The following RANBP2 variants were observed in gnomAD, a reference collection of about 807,000 sequenced individuals.
RANBP2 encodes RAN binding protein 2, also known as E3 SUMO-protein ligase RanBP2.
Under a neutral mutation model 303.6 loss-of-function variants are expected in RANBP2, and 57 were observed. The ratio of observed to expected loss-of-function variants is 0.19; its 90% CI spans 0.15 to 0.23. RANBP2 has a LOEUF of 0.23. RANBP2 is among the 10% of genes least tolerant of loss of function. The probability of loss-of-function intolerance (pLI) is 1.00; values close to 1 mark genes in which losing one functional copy is unlikely to be tolerated. For missense variants in RANBP2, 3,138 were observed against 3,780.8 expected (o/e 0.83, Z 4.46); for synonymous variants, 1,167 against 1,301.5 (o/e 0.90, Z 2.23).
the RANBP2 span, among the ~76,000 whole-genome samples, chr2:109,664,846 C>A: frequency 6.6e-6 from 1 of 151,688 alleles, no homozygotes; most frequent in Non-Finnish European, 1.5e-5. Flanking sequence ...AGGAGAACTG[C>A]TTGAACCTGG....
the RANBP2 span, among the ~76,000 whole-genome samples, chr2:109,226,357 A>G: frequency 3.3e-5 from 5 of 152,210 alleles, no homozygotes; most frequent in African/African-American, 4.8e-5. Flanking sequence ...ACATTGACTC[A>G]GGAAGGTCAG....
the RANBP2 span, chr2:109,398,648 C>A: frequency 4.4e-6 from 7 of 1,603,320 alleles, no homozygotes; most frequent in Non-Finnish European, 6.0e-6. Flanking sequence ...GCCGCTGCAT[C>A]CAGCTGCAAT....
At chr2:109,444,189 G>A in the RANBP2 span, among the ~76,000 whole-genome samples, 18 of 152,282 alleles carry the variant, frequency 1.2e-4, no homozygotes, top group African/African-American at 2.9e-4. Context: ...ATATTATAAC[G>A]CATTTTGAGC....
Position 108,723,302 on chromosome 2 carries a change from C to T in RANBP2, c.72+3624C>T, listed in dbSNP as rs2378182. ...TCTTTTCTTTTTTTTTTTTTTGAGA[C>T]GGAGACTCGCTCTATCGTCCAGGCT... On this transcript the variant is annotated intron_variant, in intron 1 of 28. Transcript: ENST00000283195. Among the ~76,000 whole-genome samples the T allele has an allele frequency of 4.8e-3, 701 of 145,750 alleles. 7 individuals carry two copies. The highest frequency in any genetic ancestry group is 5.2e-3 in the Non-Finnish European group (348 of 67,046).
chr2:109,455,118 A>G, the RANBP2 span, among the ~76,000 whole-genome samples: 1 of 152,164 alleles, frequency 6.6e-6, no homozygotes, highest in Non-Finnish European at 1.5e-5. Context: ...TGGCATGGGA[A>G]TGCTGGCCTC....
At chr2:109,477,077 A>C in the RANBP2 span, among the ~76,000 whole-genome samples, 2 of 152,110 alleles carry the variant, frequency 1.3e-5, no homozygotes, top group Non-Finnish European at 2.9e-5. Context: ...CTGGGAATGC[A>C]CCCCAGTAGG....
At chr2:109,397,351 A>G in the RANBP2 span, among the ~76,000 whole-genome samples, 1 of 151,998 alleles carries the variant, frequency 6.6e-6, no homozygotes, top group Non-Finnish European at 1.5e-5. Context: ...ACAGGCATTT[A>G]CCCAGCCTGA....
At chr2:109,702,371 A>G in the RANBP2 span, among the ~76,000 whole-genome samples, 1 of 152,228 alleles carries the variant, frequency 6.6e-6, no homozygotes, top group Admixed American at 6.5e-5. Flanking sequence ...TGCTTGTGTC[A>G]GGTTGGGATC....
At position 108,754,370 on chromosome 2, in the gene RANBP2, G is replaced by A. The variant is rs575751589; in HGVS notation, c.2202+399G>A. Among the ~76,000 whole-genome samples the A allele has an allele frequency of 1.6e-4, 24 of 151,474 alleles. No homozygotes were observed. In the South Asian group the frequency reaches 4.6e-3, roughly 29 times the overall value. ...CTCATCCTCATCAGCCATTGTGAAC[G>A]CCCTTGTTTTCTTGCTGTCAGCTGT... On this transcript the variant is annotated intron_variant, in intron 15 of 28. Transcript: ENST00000283195.
At chr2:109,405,249 G>A in the RANBP2 span, among the ~76,000 whole-genome samples, 8 of 152,050 alleles carry the variant, frequency 5.3e-5, no homozygotes, top group Non-Finnish European at 1.0e-4. Context: ...CCCTCTTTCC[G>A]CAAACCTGCT....
chr2:109,499,265 G>T, the RANBP2 span, among the ~76,000 whole-genome samples: 1 of 152,164 alleles, frequency 6.6e-6, no homozygotes, highest in African/African-American at 2.4e-5. Flanking sequence ...GTCCAGTGCT[G>T]GTTATTGAGT....
the RANBP2 span, among the ~76,000 whole-genome samples, chr2:109,599,344 G>C: frequency 6.6e-6 from 1 of 151,120 alleles, no homozygotes; most frequent in African/African-American, 2.4e-5. Flanking sequence ...TGTAATCCCA[G>C]TTACTTGGGA....
chr2:108,876,046 CTAAG>C, the RANBP2 span: 5 of 1,326,260 alleles, frequency 3.8e-6, no homozygotes, highest in African/African-American at 2.9e-5. Context: ...GATAAACTCT[CTAAG>C]TATGTGTAAT....
At chr2:109,295,431 G>A in the RANBP2 span, among the ~76,000 whole-genome samples, 29 of 152,364 alleles carry the variant, frequency 1.9e-4, no homozygotes, top group African/African-American at 5.8e-4. Flanking sequence ...AACTCAGGGC[G>A]GGAGCCGAGG....
chr2:109,410,105 C>T, the RANBP2 span, among the ~76,000 whole-genome samples: 229 of 152,312 alleles, frequency 1.5e-3, no homozygotes, highest in African/African-American at 4.8e-3. Context: ...GCTTAGGGGC[C>T]CCATTAAAAT....
At chr2:108,898,943 G>C in the RANBP2 span, among the ~76,000 whole-genome samples, 1 of 152,150 alleles carries the variant, frequency 6.6e-6, no homozygotes, top group Non-Finnish European at 1.5e-5. Flanking sequence ...TATAACAGAA[G>C]AGCTAACATT....
At chr2:109,020,880 A>C in the RANBP2 span, among the ~76,000 whole-genome samples, 1 of 152,290 alleles carries the variant, frequency 6.6e-6, no homozygotes, top group South Asian at 2.1e-4. Context: ...GGGGGGCACA[A>C]ATTTCTGGTG....
At chr2:109,266,000 CAT>C in the RANBP2 span, among the ~76,000 whole-genome samples, 1 of 151,990 alleles carries the variant, frequency 6.6e-6, no homozygotes, top group South Asian at 2.1e-4. Context: ...GCATGTGTGT[CAT>C]GTGCATGTGT....
Position 108,782,622 on chromosome 2 carries a change from T to G in RANBP2, c.9129T>G (p.Asn3043Lys). The change falls in exon 28 of 29, where the codon AAT (asparagine) becomes AAG (lysine). Residue 3043 changes from asparagine (N) to lysine (K), a missense_variant. Around this residue, in one of 20 missense-constraint regions of RANBP2, gnomAD observed 204 missense variants for 228.4 expected, o/e 0.89. Coordinates refer to ENST00000283195, the MANE Select transcript of RANBP2 (RefSeq NM_006267.5). ...AAACATTTGAAGAATGTCAGCAGAA[T>G]TTAATGAAACTCCAGAAAGGACATG... ...FKKTFEECQQNLMKLQKGHVS... is the reference protein window; with the variant it reads ...FKKTFEECQQKLMKLQKGHVS... 6.2e-7 allele frequency: 1 copy of G among 1,614,220 alleles called. No individual in the cohort carries two copies. Among genetic ancestry groups the G allele is most frequent in the Non-Finnish European group, 8.5e-7 (1 of 1,180,042 alleles).
Sources: allele counts gnomAD v4.1 joint callset (sites outside exome capture counted in the v4.1 genomes callset), GRCh38; gene constraint gnomAD v4.1.1; regional missense constraint gnomAD v4.1.1; transcripts MANE v1.5; gene names NCBI Gene and HGNC (gene_info 2026-07-23, HGNC 2026-07-21).